The following MYT1 variants were observed in gnomAD, a reference collection of about 807,000 sequenced individuals.
The protein encoded by MYT1 is myelin transcription factor I.
A neutral mutation model predicts 123.0 loss-of-function variants in MYT1; 23 were observed. The ratio of observed to expected loss-of-function variants is 0.19; its 90% CI spans 0.13 to 0.26. The LOEUF is 0.26. Ranked by LOEUF, MYT1 falls within the 10% of genes least tolerant of loss-of-function variation. The pLI is 1.00. For missense variants in MYT1, 1,125 were observed against 1,472.5 expected (o/e 0.76, Z 3.86); for synonymous variants, 518 against 575.3 (o/e 0.90, Z 1.43).
In MYT1 at chr20:64,208,025, G is replaced by A. The variant is rs1280362013; in HGVS notation, c.829G>A (p.Glu277Lys). ...AGAGGAGGAGGAGGAGGATGAAGAA[G>A]AGGAAGAGGAAGAGGAGGAGGAAGA... is the stretch of plus-strand genomic sequence containing the variant. ...EEEEEEEDEE[E>K]EEEEEEEEEE... Residue 277 changes from glutamate to lysine, a missense_variant, in exon 7 of 23, where the codon GAG becomes AAG. By Grantham distance (56) the Glu-to-Lys change is moderately conservative. Around this residue, in one of 4 missense-constraint regions of MYT1, gnomAD observed 406 missense variants for 432.2 expected, o/e 0.94. Coordinates refer to ENST00000328439, the MANE Select transcript of MYT1 (RefSeq NM_004535.3). This position sits in a 1 kb window ranked among gnomAD's most constrained non-coding sequence, Gnocchi z 5.4. 6.9e-6 allele frequency: 11 copies of A among 1,591,930 alleles called. No homozygotes were observed. The highest frequency in any genetic ancestry group is 8.6e-6 in the Non-Finnish European group (10 of 1,166,776).
At chr20:64,221,485 C>T (rs985556570) in intron 13 of MYT1, among the ~76,000 whole-genome samples, 2 of 152,242 alleles carry the variant, frequency 1.3e-5, no homozygotes, top group Non-Finnish European at 2.9e-5. Context: ...TGTGCCATCT[C>T]ATCTTCATGG....
intron 16 of MYT1, 74 bp downstream of exon 16, chr20:64,223,433 C>T: frequency 6.6e-7 from 1 of 1,517,104 alleles, no homozygotes; most frequent in South Asian, 1.1e-5. Flanking sequence ...GAGGCTCCTG[C>T]CAAAATCAGC....
Position 64,236,558 on chromosome 20 carries a change from G to T in MYT1, c.2901G>T (p.Leu967Phe), listed in dbSNP as rs1984555825. The T allele has an allele frequency of 6.2e-7, 1 of 1,613,270 alleles. No individual in the cohort carries two copies. Among genetic ancestry groups the T allele is most frequent in the Non-Finnish European group, 8.5e-7 (1 of 1,179,664 alleles). ...ANGSFLTHRS[L>F]SGCPRATFAG... ...GATATGTGGCCTCTGCTTCCAGTTT[G>T]TCAGGCTGTCCCAGAGCAACCTTTG... Residue 967 changes from leucine to phenylalanine, a missense_variant, in exon 20 of 23, where the codon TTG (leucine) becomes TTT (phenylalanine). By Grantham distance (22) the Leu-to-Phe change is conservative. Around this residue, in one of 4 missense-constraint regions of MYT1, gnomAD observed 243 missense variants for 323.1 expected, o/e 0.75. Transcript: ENST00000328439.
intron 16 of MYT1, among the ~76,000 whole-genome samples, chr20:64,225,068 G>T (rs1295963694): frequency 6.6e-6 from 1 of 152,178 alleles, no homozygotes; most frequent in Non-Finnish European, 1.5e-5. Flanking sequence ...AGCAGGGTTT[G>T]GGCAGGCAGC....
chr20:64,178,323 C>T lies in MYT1; in HGVS notation c.-98-11740C>T, dbSNP rs1383788414. Among the ~76,000 whole-genome samples, 4 of 152,234 alleles carry T rather than the reference C, an allele frequency of 2.6e-5. No individual in the cohort carries two copies. In the East Asian group the frequency reaches 7.7e-4, roughly 29 times the overall value. On this transcript the variant is annotated intron_variant, in intron 1 of 22. Coordinates refer to ENST00000328439, the MANE Select transcript of MYT1 (RefSeq NM_004535.3). ...GCAGAGAGGCCGCTCTCCCACTGCTCCACCCTCACCTTCTCGGCCATCTGG... is the reference window on the plus strand; with the variant it reads ...GCAGAGAGGCCGCTCTCCCACTGCTTCACCCTCACCTTCTCGGCCATCTGG...
chr20:64,224,356 G>C (rs1337977618), intron 16 of MYT1, among the ~76,000 whole-genome samples: 1 of 152,152 alleles, frequency 6.6e-6, no homozygotes, highest in East Asian at 1.9e-4. Flanking sequence ...AAATGAACTT[G>C]CTGAAGGCTT....
chr20:64,217,063 C>T lies in MYT1; in HGVS notation c.1632-4C>T. 1 of 1,612,700 alleles carries T rather than the reference C, an allele frequency of 6.2e-7. No homozygotes were observed. Among genetic ancestry groups the T allele is most frequent in the Non-Finnish European group, 8.5e-7 (1 of 1,179,754 alleles). ...TGGCTGTGCATCCCTGTACTGCACC[C>T]CAGGCCCATGTGCTTCGTGAAGCAG... On this transcript the variant is annotated splice_polypyrimidine_tract_variant and splice_region_variant and intron_variant, in intron 10 of 22. Coordinates refer to ENST00000328439, the MANE Select transcript of MYT1 (RefSeq NM_004535.3).
At chr20:64,197,150 C>T (rs150990528) in intron 2 of MYT1, among the ~76,000 whole-genome samples, 3 of 152,352 alleles carry the variant, frequency 2.0e-5, no homozygotes, top group South Asian at 2.1e-4. Flanking sequence ...CTGTAATAAA[C>T]GCACGGCTCA....
intron 1 of MYT1, among the ~76,000 whole-genome samples, chr20:64,181,305 A>ACACT (rs1390562601): frequency 6.6e-6 from 1 of 151,892 alleles, no homozygotes; most frequent in Non-Finnish European, 1.5e-5. Flanking sequence ...TATTTAACTT[A>ACACT]CACTTTTCCT....
At position 64,186,207 on chromosome 20, in the gene MYT1, G is replaced by T. The variant is rs1568700802; in HGVS notation, c.-98-3856G>T. On this transcript the variant is annotated intron_variant, in intron 1 of 22. Coordinates refer to ENST00000328439, the MANE Select transcript of MYT1 (RefSeq NM_004535.3). This position sits in a 1 kb window ranked among gnomAD's most constrained non-coding sequence, Gnocchi z 4.3. Reference sequence around the variant, plus strand: ...GGCCACCATGGGGACAGATGTGGGGGTTACCTTGAGCAGGCAGGACTCCAG... The same window carrying T: ...GGCCACCATGGGGACAGATGTGGGGTTTACCTTGAGCAGGCAGGACTCCAG... 6.6e-6 allele frequency among the ~76,000 whole-genome samples: 1 copy of T among 152,116 alleles called. No homozygotes were observed. The highest frequency in any genetic ancestry group is 2.4e-5 in the African/African-American group (1 of 41,400).
Position 64,219,795 on chromosome 20 carries a change from G to A in MYT1, c.2054G>A (p.Ser685Asn). The A allele has an allele frequency of 1.2e-6, 2 of 1,613,652 alleles. No homozygotes were observed. The highest frequency in any genetic ancestry group is 1.7e-6 in the Non-Finnish European group (2 of 1,179,816). ...KHRKRENAFP[S>N]SSSCSSSPGV... is the part of the protein sequence containing the mutation. ...CGCAAACGAGAAAATGCTTTCCCCA[G>A]CAGCAGCAGCTGCAGCAGCAGCCCC... Residue 685 changes from serine to asparagine, a missense_variant, in exon 13 of 23, where the codon AGC becomes AAC. Around this residue, in one of 4 missense-constraint regions of MYT1, gnomAD observed 429 missense variants for 604.1 expected, o/e 0.71. Transcript: ENST00000328439.
In MYT1 at chr20:64,190,332, AC is replaced by A. The variant is rs1339823828; in HGVS notation, c.-1+173del. Among the ~76,000 whole-genome samples, 3 of 152,238 alleles carry A rather than the reference AC, an allele frequency of 2.0e-5. No homozygotes were observed. The highest frequency in any genetic ancestry group is 2.9e-5 in the Non-Finnish European group (2 of 68,044). Reference sequence around the variant, plus strand: ...GACTAGGATCAGCAATGATCCGGTCACTTTAAAATTAAGGGAAGAAAAATGA... The same window carrying A: ...GACTAGGATCAGCAATGATCCGGTCATTTAAAATTAAGGGAAGAAAAATGA... On this transcript the variant is annotated intron_variant, in intron 2 of 22. Transcript: ENST00000328439. The surrounding 1 kb of genome is among the most constrained non-coding windows in gnomAD (Gnocchi z 4.1).
intron 19 of MYT1, among the ~76,000 whole-genome samples, chr20:64,233,149 C>T (rs1006532372): frequency 3.0e-5 from 4 of 131,330 alleles, no homozygotes; most frequent in Admixed American, 2.3e-4. Context: ...TTCCTCTTCT[C>T]CCTCCCTTCC....
chr20:64,184,038 T>G (rs1383604241), intron 1 of MYT1, among the ~76,000 whole-genome samples: 2 of 152,172 alleles, frequency 1.3e-5, no homozygotes, highest in African/African-American at 4.8e-5. Flanking sequence ...CAGGCTGGTC[T>G]CGAACCCCTG....
chr20:64,186,811 T>C lies in MYT1; in HGVS notation c.-98-3252T>C, dbSNP rs1205111923. On this transcript the variant is annotated intron_variant, in intron 1 of 22. Transcript: ENST00000328439. This position sits in a 1 kb window ranked among gnomAD's most constrained non-coding sequence, Gnocchi z 4.3. ...TTCCGTGGAGACTTTTCCTGTAGCC[T>C]GTGGCCCCGGCATCCACGTTTCCGT... Among the ~76,000 whole-genome samples the C allele has an allele frequency of 3.4e-4, 44 of 130,294 alleles. No individual in the cohort carries two copies. Among genetic ancestry groups the C allele is most frequent in the East Asian group, 1.0e-3 (4 of 4,012 alleles). 85.5% of individuals were successfully genotyped at this position (130,294 alleles called of 152,430 possible). A position where few individuals can be genotyped will look rare whatever the true frequency, so the allele number is the denominator to read the frequency against.
At chr20:64,199,784 C>A in intron 3 of MYT1, 108 bp from the exon 4 acceptor site, 4 of 1,318,714 alleles carry the variant, frequency 3.0e-6, no homozygotes, top group South Asian at 2.4e-5. Context: ...TGCCTCCACT[C>A]GTCCTTGGCA....
intron 21 of MYT1, 28 bp from the exon 22 acceptor site, chr20:64,239,732 C>A: frequency 6.2e-7 from 1 of 1,612,594 alleles, no homozygotes; most frequent in South Asian, 1.1e-5. Context: ...CAAGGGCAGG[C>A]GGCACTTCGA....
Position 64,217,044 on chromosome 20 carries a change from T to A in MYT1, c.1632-23T>A. 3 of 1,598,952 alleles carry A rather than the reference T, an allele frequency of 1.9e-6. No homozygotes were observed. In the South Asian group the frequency reaches 3.3e-5, roughly 18 times the overall value. ...TCCCCAGGTCCCATCTCACTGGCTG[T>A]GCATCCCTGTACTGCACCCCAGGCC... On this transcript the variant is annotated intron_variant, in intron 10 of 22. Coordinates refer to ENST00000328439, the MANE Select transcript of MYT1 (RefSeq NM_004535.3).
intron 5 of MYT1, among the ~76,000 whole-genome samples, chr20:64,205,347 T>TAGAGGTCCGTGCTA: frequency 6.6e-6 from 1 of 152,092 alleles, no homozygotes; most frequent in Non-Finnish European, 1.5e-5. Flanking sequence ...GAGGTCCGTG[T>TAGAGGTCCGTGCTA]GGCCATGGGC....
Sources: allele counts gnomAD v4.1 joint callset (sites outside exome capture counted in the v4.1 genomes callset), GRCh38; gene constraint gnomAD v4.1.1; regional missense constraint gnomAD v4.1.1; non-coding constraint Gnocchi (gnomAD v3.1); transcripts MANE v1.5; gene names NCBI Gene and HGNC (gene_info 2026-07-23, HGNC 2026-07-21).